ZNFX1: variants seen among roughly 807,000 people sequenced by gnomAD.
The protein encoded by ZNFX1 is NFX1-type zinc finger-containing protein 1.
In ZNFX1, 78 loss-of-function variants were observed where a neutral mutation model predicts 179.8. That is an observed-to-expected ratio of 0.43 (90% CI 0.36 to 0.52). The LOEUF (loss-of-function observed/expected upper bound fraction) is 0.52. Ranked by LOEUF, ZNFX1 falls within the 20% of genes least tolerant of loss-of-function variation. The pLI is 0.00. For synonymous variants in ZNFX1, 848 were observed against 868.5 expected (o/e 0.98, Z 0.42); for missense variants, 1,927 against 2,386.6 (o/e 0.81, Z 4.01).
At chr20:49,264,057 A>G (rs1196820953) in intron 5 of ZNFX1, among the ~76,000 whole-genome samples, 1 of 152,194 alleles carries the variant, frequency 6.6e-6, no homozygotes, top group East Asian at 1.9e-4. Flanking sequence ...TCTTGTCTCT[A>G]CTAAAAATAC....
rs766850279 is a variant in ZNFX1 at position 49,249,710 on chromosome 20, C to G, written c.3314G>C (p.Gly1105Ala). ...PSVLKYEKIK[G>A]VSSNLFFVEH... is the part of the protein sequence containing the mutation. ...TACAAAGAAAAGGTTGGAAGACACCCCCTGACAGGGAAAAGAAGTGACATG... is the reference window on the plus strand; with the variant it reads ...TACAAAGAAAAGGTTGGAAGACACCGCCTGACAGGGAAAAGAAGTGACATG... Residue 1105 changes from glycine to alanine, a missense_variant and splice_region_variant, in exon 14 of 14, where the codon GGG becomes GCG. Physicochemically the swap from Gly to Ala is moderately conservative, Grantham distance 60. Transcript: ENST00000396105. 1.9e-6 allele frequency: 3 copies of G among 1,605,938 alleles called. No homozygotes were observed. The highest frequency in any genetic ancestry group is 1.7e-6 in the Non-Finnish European group (2 of 1,174,908).
chr20:49,251,864 G>A (rs1025420468), intron 12 of ZNFX1, among the ~76,000 whole-genome samples: 3 of 142,870 alleles, frequency 2.1e-5, no homozygotes, highest in African/African-American at 7.9e-5. Context: ...TTTTTGAGAC[G>A]TGTCACCAAG....
At chr20:49,252,696 A>G in intron 12 of ZNFX1, 24 bp downstream of exon 12, 1 of 1,591,404 alleles carries the variant, frequency 6.3e-7, no homozygotes, top group South Asian at 1.1e-5. Context: ...GGCATTTGGT[A>G]ACAACAGAGG....
intron 7 of ZNFX1, among the ~76,000 whole-genome samples, chr20:49,259,986 TA>T (rs1270676315): frequency 9.9e-5 from 15 of 152,258 alleles, no homozygotes; most frequent in African/African-American, 3.6e-4. Flanking sequence ...CATGGGGTTA[TA>T]TCAAACTTTA....
In ZNFX1 at chr20:49,266,059, A is replaced by C; in HGVS notation, c.2002+76T>G. The C allele has an allele frequency of 2.6e-6, 4 of 1,531,174 alleles. No homozygotes were observed. In the South Asian group the frequency reaches 4.7e-5, roughly 18 times the overall value. 94.8% of individuals were successfully genotyped at this position (1,531,174 alleles called of 1,614,324 possible). A position where few individuals can be genotyped will look rare whatever the true frequency, so the allele number is the denominator to read the frequency against. ...GACTGTTGACTTTGTTTGAAGAGCA[A>C]TAGAAAGCTACTGAAGTTGCTGATG... On this transcript the variant is annotated intron_variant, in intron 4 of 13. Coordinates refer to ENST00000396105, the MANE Select transcript of ZNFX1 (RefSeq NM_021035.3).
In ZNFX1 at chr20:49,249,371, C is replaced by G. The variant is rs774255555; in HGVS notation, c.3653G>C (p.Cys1218Ser). The G allele has an allele frequency of 1.2e-6, 2 of 1,614,136 alleles. No homozygotes were observed. Among genetic ancestry groups the G allele is most frequent in the South Asian group, 1.1e-5 (1 of 91,092 alleles). The change falls in exon 14 of 14, where the codon TGT becomes TCT. Residue 1218 changes from cysteine (C) to serine (S), a missense_variant. Physicochemically the swap from Cys to Ser is moderately radical, Grantham distance 112. Transcript: ENST00000396105. The part of the protein sequence containing the change: ...VGFLQISNRI[C>S]VALSRAKKGM... ...CTTCTTGGCTCGGGACAAGGCCACA[C>G]AGATGCGGTTGGATATCTGCAGAAA...
In ZNFX1 at chr20:49,275,774, C is replaced by G. The variant is rs1981541866; in HGVS notation, c.61+5G>C. 1.2e-6 allele frequency: 2 copies of G among 1,613,958 alleles called. No homozygotes were observed. The highest frequency in any genetic ancestry group is 2.7e-5 in the African/African-American group (2 of 74,924). On this transcript the variant is annotated splice_donor_5th_base_variant and intron_variant, in intron 2 of 13. Transcript: ENST00000396105. The stretch of plus-strand genomic sequence containing the variant: ...CCTTCTCATTAGGTAGGAAACCTTG[C>G]TTACCTCTGTGGTTGGTATGGGAAT...
At position 49,257,604 on chromosome 20, in the gene ZNFX1, G is replaced by A; in HGVS notation, c.2477C>T (p.Ala826Val). The change falls in exon 8 of 14, where the codon GCA becomes GTA. Residue 826 changes from alanine (A) to valine (V), a missense_variant. Coordinates refer to ENST00000396105, the MANE Select transcript of ZNFX1 (RefSeq NM_021035.3). ...GEEESSLIEI[A>V]EEADLIQADR... ...TGCTTGAATCAGGTCAGCTTCCTCT[G>A]CGATCTCTATCAGCGAACTCTCCTC... The A allele has an allele frequency of 6.2e-7, 1 of 1,613,724 alleles. No individual in the cohort carries two copies. Among genetic ancestry groups the A allele is most frequent in the Non-Finnish European group, 8.5e-7 (1 of 1,179,986 alleles).
chr20:49,272,181 T>C (rs1981424969), intron 2 of ZNFX1, among the ~76,000 whole-genome samples: 1 of 46,868 alleles, frequency 2.1e-5, no homozygotes, highest in Non-Finnish European at 7.3e-5. Flanking sequence ...CAGTTTCTGC[T>C]TTTTTTTTTT....
At chr20:49,255,688 C>A (rs1980952545) in intron 9 of ZNFX1, 120 bp downstream of exon 9, 1 of 1,162,420 alleles carries the variant, frequency 8.6e-7, no homozygotes, top group Non-Finnish European at 1.2e-6. Flanking sequence ...TATCACTCAG[C>A]TCAGTGGTGG....
chr20:49,254,336 G>GA (rs1980916370), intron 10 of ZNFX1, among the ~76,000 whole-genome samples, 159 bp downstream of exon 10: 1 of 152,152 alleles, frequency 6.6e-6, no homozygotes, highest in Non-Finnish European at 1.5e-5. Flanking sequence ...GAAAGTGAGT[G>GA]AATTTCACCA....
rs746976084 is a variant in ZNFX1, at chr20:49,248,571, G to A, written c.4453C>T (p.Pro1485Ser). 6.2e-7 allele frequency: 1 copy of A among 1,614,194 alleles called. No individual in the cohort carries two copies. Among genetic ancestry groups the A allele is most frequent in the Admixed American group, 1.7e-5 (1 of 60,024 alleles). ...CQEPCIGECP[P>S]CQRTCQNRCV... Reference sequence around the variant, plus strand: ...CGGTTCTGACAGGTCCGCTGGCAGGGTGGGCACTCACCAATGCATGGTTCC... The same window carrying A: ...CGGTTCTGACAGGTCCGCTGGCAGGATGGGCACTCACCAATGCATGGTTCC... Residue 1485 changes from proline (P) to serine (S), a missense_variant, in exon 14 of 14, where the codon CCC becomes TCC. By Grantham distance (74) the Pro-to-Ser change is moderately conservative (BLOSUM62 -1). Transcript: ENST00000396105. The surrounding 1 kb of genome is among the most constrained non-coding windows in gnomAD (Gnocchi z 4.6).
At chr20:49,256,817 T>C (rs1315813730) in intron 8 of ZNFX1, among the ~76,000 whole-genome samples, 1 of 152,172 alleles carries the variant, frequency 6.6e-6, no homozygotes, top group Non-Finnish European at 1.5e-5. Context: ...TCTCAAATCA[T>C]TGGTAAGGTT....
chr20:49,247,567 G>A lies in ZNFX1; in HGVS notation c.5457C>T (p.Thr1819=), dbSNP rs765321557. The A allele has an allele frequency of 6.2e-7, 1 of 1,614,200 alleles. No individual in the cohort carries two copies. Among genetic ancestry groups the A allele is most frequent in the Admixed American group, 1.7e-5 (1 of 60,020 alleles). The change falls in exon 14 of 14, where the codon ACC becomes ACT. Residue 1819 remains threonine, a synonymous_variant. Transcript: ENST00000396105. ...VQEKMEALKA[T]LPCSGLGISE... ...AGATGCCCAGGCCAGAGCAGGGAAG[G>A]GTGGCTTTCAGAGCTTCCATCTTTT... is the stretch of plus-strand genomic sequence containing the variant.
chr20:49,263,426 C>T lies in ZNFX1; in HGVS notation c.2209G>A (p.Glu737Lys). The change falls in exon 6 of 14, where the codon GAG (glutamate) becomes AAG (lysine). Residue 737 changes from glutamate (E) to lysine (K), a missense_variant. Transcript: ENST00000396105. ...CGTAGGACACCACGCATGGTGCACT[C>T]CAGGGTCTTGGCTCCTTCATGAAGC... ...QELHEGAKTL[E>K]CTMRGVLREQ... 1 of 1,611,460 alleles carries T rather than the reference C, an allele frequency of 6.2e-7. No individual in the cohort carries two copies.
intron 4 of ZNFX1, among the ~76,000 whole-genome samples, chr20:49,265,436 C>T (rs534653351): frequency 6.6e-6 from 1 of 152,174 alleles, no homozygotes; most frequent in East Asian, 1.9e-4. Flanking sequence ...AATACGGCAG[C>T]AATAAATGTA....
chr20:49,253,590 C>G, intron 11 of ZNFX1, 76 bp downstream of exon 11: 1 of 1,570,770 alleles, frequency 6.4e-7, no homozygotes, highest in South Asian at 1.2e-5. Flanking sequence ...ACTGTTGAAG[C>G]AGAGGCCAGG....
rs375999762 is a variant in ZNFX1 at position 49,264,906 on chromosome 20, A to G, written c.2003-42T>C. On this transcript the variant is annotated intron_variant, in intron 4 of 13. Coordinates refer to ENST00000396105, the MANE Select transcript of ZNFX1 (RefSeq NM_021035.3). ...AGCATGGCAGGGTTGAGAGGAGCTT[A>G]TGCTAGGTTCTCTCAGGTGAGAGCT... 2.5e-6 allele frequency: 4 copies of G among 1,613,410 alleles called. No individual in the cohort carries two copies. In the African/African-American group the frequency reaches 5.3e-5, roughly 22 times the overall value.
chr20:49,268,267 A>T (rs1981293513), intron 3 of ZNFX1, among the ~76,000 whole-genome samples: 1 of 152,182 alleles, frequency 6.6e-6, no homozygotes, highest in Admixed American at 6.5e-5. Flanking sequence ...ATGTTGCTTC[A>T]CACATAGTGC....
Sources: gnomAD v4.1 joint callset for allele counts (sites outside exome capture counted in the v4.1 genomes callset) on GRCh38, gnomAD v4.1.1 for gene constraint, Gnocchi (gnomAD v3.1) non-coding constraint, MANE v1.5 for transcripts, NCBI Gene and HGNC (gene_info 2026-07-23, HGNC 2026-07-21) for gene names.